Variants in PLCB4 observed in about 807,000 individuals in gnomAD.
PLCB4 encodes phospholipase C beta 4, also known as 1-phosphatidylinositol 4,5-bisphosphate phosphodiesterase beta-4.
Under a neutral mutation model 178.8 loss-of-function variants are expected in PLCB4, and 77 were observed. The observed-to-expected ratio is 0.43, with a 90% CI of 0.36 to 0.52. The LOEUF (loss-of-function observed/expected upper bound fraction) is 0.52. Ranked by LOEUF, PLCB4 falls within the 20% of genes least tolerant of loss-of-function variation. The pLI is 0.00. For missense variants in PLCB4, 1,024 were observed against 1,453.4 expected (o/e 0.70, Z 4.80); for synonymous variants, 496 against 490.8 (o/e 1.01, Z -0.14).
intron 18 of PLCB4, among the ~76,000 whole-genome samples, chr20:9,394,871 G>T (rs2038442501): frequency 6.6e-6 from 1 of 151,990 alleles, no homozygotes. Context: ...CTGGCTGTTG[G>T]CCATTTTTAA....
chr20:9,084,937 C>T (rs1035586253), intron 1 of PLCB4, among the ~76,000 whole-genome samples: 1 of 151,668 alleles, frequency 6.6e-6, no homozygotes, highest in Non-Finnish European at 1.5e-5. Flanking sequence ...CCTGTTGTCC[C>T]AGCTGCTGGG....
chr20:9,097,344 T>C (rs1353038098), intron 2 of PLCB4, among the ~76,000 whole-genome samples: 1 of 148,716 alleles, frequency 6.7e-6, no homozygotes, highest in Non-Finnish European at 1.5e-5. Context: ...ACTAGAGCCA[T>C]GCGTTCAGGG....
intron 13 of PLCB4, among the ~76,000 whole-genome samples, chr20:9,382,062 A>G (rs80020822): frequency 0.028 from 4,193 of 152,260 alleles, 192 homozygotes; most frequent in African/African-American, 0.096. Flanking sequence ...TATATACAAC[A>G]TATTTCGATC....
At chr20:9,224,390 C>G (rs1317287580) in intron 3 of PLCB4, among the ~76,000 whole-genome samples, 6 of 152,132 alleles carry the variant, frequency 3.9e-5, no homozygotes, top group African/African-American at 7.2e-5. Flanking sequence ...AATGGCCAAC[C>G]CTGGCCCTCT....
chr20:9,348,628 T>TCTA (rs1266362941), intron 7 of PLCB4, among the ~76,000 whole-genome samples: 5 of 151,908 alleles, frequency 3.3e-5, no homozygotes, highest in Non-Finnish European at 7.4e-5. Flanking sequence ...CCTGAAAAGG[T>TCTA]CTACGTTTGT....
chr20:9,261,617 G>A (rs2094298507), intron 3 of PLCB4, among the ~76,000 whole-genome samples: 1 of 152,144 alleles, frequency 6.6e-6, no homozygotes, highest in Non-Finnish European at 1.5e-5. Context: ...TTGTGGTGAG[G>A]ACTGAACATA....
At chr20:9,382,581 G>A (rs2037236320) in intron 13 of PLCB4, among the ~76,000 whole-genome samples, 1 of 152,128 alleles carries the variant, frequency 6.6e-6, no homozygotes, top group African/African-American at 2.4e-5. Flanking sequence ...TCTGCATCAA[G>A]GTCTTTGCAC....
At chr20:9,278,879 A>G (rs1399083642) in intron 3 of PLCB4, among the ~76,000 whole-genome samples, 3 of 152,086 alleles carry the variant, frequency 2.0e-5, no homozygotes, top group East Asian at 1.9e-4. Context: ...CACTTGTTTA[A>G]TAAGTACGCA....
chr20:9,086,547 C>A, intron 1 of PLCB4, among the ~76,000 whole-genome samples: 1 of 152,036 alleles, frequency 6.6e-6, no homozygotes, highest in Non-Finnish European at 1.5e-5. Context: ...GAAACTGAGG[C>A]CCATTTAAGT....
intron 12 of PLCB4, among the ~76,000 whole-genome samples, chr20:9,374,360 A>G (rs925217724): frequency 6.6e-6 from 1 of 152,226 alleles, no homozygotes; most frequent in African/African-American, 2.4e-5. Flanking sequence ...TTACCCAGAT[A>G]CTATCCACGT....
intron 4 of PLCB4, among the ~76,000 whole-genome samples, chr20:9,308,151 A>G (rs182890734): frequency 1.3e-5 from 2 of 152,198 alleles, no homozygotes; most frequent in East Asian, 3.9e-4. Context: ...TTTTACAACA[A>G]CCTTACAAGG....
intron 2 of PLCB4, among the ~76,000 whole-genome samples, chr20:9,190,322 G>T (rs144085648): frequency 2.0e-5 from 3 of 152,044 alleles, no homozygotes; most frequent in African/African-American, 7.2e-5. Flanking sequence ...GGTTTCCCCC[G>T]TGCTATTCTC....
chr20:9,151,213 G>A (rs2092685015), intron 2 of PLCB4, among the ~76,000 whole-genome samples: 1 of 152,146 alleles, frequency 6.6e-6, no homozygotes, highest in Non-Finnish European at 1.5e-5. Context: ...GTACTCCAGT[G>A]ATGGTTTCAA....
chr20:9,199,456 G>C (rs1392113910), intron 2 of PLCB4, among the ~76,000 whole-genome samples: 2 of 152,126 alleles, frequency 1.3e-5, no homozygotes, highest in Non-Finnish European at 2.9e-5. Context: ...TTCCAAGTTG[G>C]CTTTTTCAAT....
intron 2 of PLCB4, among the ~76,000 whole-genome samples, chr20:9,114,946 G>A (rs990405186): frequency 6.6e-6 from 1 of 152,134 alleles, no homozygotes; most frequent in Non-Finnish European, 1.5e-5. Context: ...TGGTTGCTGT[G>A]TTTGGCCATG....
At position 9,337,160 on chromosome 20, in the gene PLCB4, A is replaced by C. The variant is rs374145454; in HGVS notation, c.119A>C (p.Lys40Thr). 1.8e-5 allele frequency: 29 copies of C among 1,613,260 alleles called. No homozygotes were observed. The East Asian group carries it at 6.2e-4, about 35-fold the overall frequency. Residue 40 changes from lysine to threonine, a missense_variant, in exon 5 of 40, where the codon AAA becomes ACA. Coordinates refer to ENST00000378473, the MANE Select transcript of PLCB4 (RefSeq NM_001377142.1). Reference protein sequence around the residue: ...SFVFEPNCLFKVDEFGFFLTW... With the variant: ...SFVFEPNCLFTVDEFGFFLTW... ...GTGTTTGAACCCAACTGCCTCTTCA[A>C]AGTGGATGAGTTTGGCTTCTTTCTG...
At chr20:9,304,865 C>CT (rs201616200) in intron 3 of PLCB4, among the ~76,000 whole-genome samples, 5,785 of 144,838 alleles carry the variant, frequency 0.04, 280 homozygotes, top group East Asian at 0.18. Flanking sequence ...TTTTTATTTT[C>CT]TTTTTTTTTT....
intron 19 of PLCB4, among the ~76,000 whole-genome samples, chr20:9,398,006 G>T (rs556521501): frequency 1.3e-5 from 2 of 152,268 alleles, no homozygotes; most frequent in African/African-American, 4.8e-5. Context: ...GTGGATGCTG[G>T]CTGAACGCTG....
chr20:9,412,282 C>T (rs1337479937), intron 25 of PLCB4, among the ~76,000 whole-genome samples: 5 of 152,170 alleles, frequency 3.3e-5, no homozygotes, highest in African/African-American at 1.2e-4. Flanking sequence ...AAGTAGTGGG[C>T]CAAGGCATCA....
Sources: gnomAD v4.1 joint callset for allele counts (sites outside exome capture counted in the v4.1 genomes callset) on GRCh38, gnomAD v4.1.1 for gene constraint, MANE v1.5 for transcripts, NCBI Gene and HGNC (gene_info 2026-07-23, HGNC 2026-07-21) for gene names.